The following RBMS3 variants were observed in gnomAD, a reference collection of about 807,000 sequenced individuals.
RBMS3 encodes the protein RNA binding motif single stranded interacting protein 3.
A neutral mutation model predicts 66.8 loss-of-function variants in RBMS3; 27 were observed. That is an observed-to-expected ratio of 0.40 (90% CI 0.30 to 0.56). The LOEUF is 0.56. Ranked by LOEUF, RBMS3 falls within the 20% of genes least tolerant of loss-of-function variation. The probability of loss-of-function intolerance (pLI) is 0.40; values close to 1 mark genes in which losing one functional copy is unlikely to be tolerated. For missense variants in RBMS3, 513 were observed against 549.5 expected (o/e 0.93, Z 0.66); for synonymous variants, 188 against 183.0 (o/e 1.03, Z -0.22).
chr3:29,793,604 A>T (rs2057085372), intron 6 of RBMS3, among the ~76,000 whole-genome samples: 1 of 152,198 alleles, frequency 6.6e-6, no homozygotes, highest in African/African-American at 2.4e-5. Context: ...AATAATTTTG[A>T]CTCATTATAA....
At chr3:29,412,483 A>T (rs2040305960) in intron 1 of RBMS3, among the ~76,000 whole-genome samples, 1 of 152,220 alleles carries the variant, frequency 6.6e-6, no homozygotes, top group Non-Finnish European at 1.5e-5. Context: ...ATAGATACAT[A>T]AGGCAACATA....
At chr3:29,373,012 A>G (rs2038287395) in intron 1 of RBMS3, among the ~76,000 whole-genome samples, 1 of 152,190 alleles carries the variant, frequency 6.6e-6, no homozygotes, top group South Asian at 2.1e-4. Context: ...AATTTTTAAA[A>G]CGAGCAGGAA....
At chr3:29,367,344 T>A (rs1373726252) in intron 1 of RBMS3, among the ~76,000 whole-genome samples, 4 of 152,014 alleles carry the variant, frequency 2.6e-5, no homozygotes, top group Non-Finnish European at 5.9e-5. Flanking sequence ...TGAAAAACAG[T>A]TGGGATATAT....
chr3:29,889,372 G>A (rs374682694), intron 8 of RBMS3, among the ~76,000 whole-genome samples: 19 of 151,634 alleles, frequency 1.3e-4, no homozygotes, highest in African/African-American at 4.4e-4. Flanking sequence ...ACCAGGCAGA[G>A]CTAGTTATGC....
intron 2 of RBMS3, among the ~76,000 whole-genome samples, chr3:29,435,997 G>A (rs1407259007): frequency 1.3e-5 from 2 of 148,464 alleles, no homozygotes; most frequent in Admixed American, 6.7e-5. Context: ...AAGACGAATC[G>A]TAGACCTGTA....
chr3:29,768,351 G>C (rs1343829117), intron 6 of RBMS3, among the ~76,000 whole-genome samples: 2 of 151,830 alleles, frequency 1.3e-5, no homozygotes, highest in Non-Finnish European at 2.9e-5. Context: ...CATTGTGAAG[G>C]TAAAAAAGCT....
intron 3 of RBMS3, among the ~76,000 whole-genome samples, chr3:29,514,355 A>G (rs1432383245): frequency 6.6e-6 from 1 of 152,038 alleles, no homozygotes; most frequent in Non-Finnish European, 1.5e-5. Context: ...TCGCTCCTCT[A>G]TCTCAAAAGC....
chr3:29,485,004 G>T (rs80268847), intron 2 of RBMS3, among the ~76,000 whole-genome samples: 1 of 152,020 alleles, frequency 6.6e-6, no homozygotes, highest in Non-Finnish European at 1.5e-5. Flanking sequence ...TCAGCAAAAG[G>T]GTTTAAAAAT....
intron 12 of RBMS3, among the ~76,000 whole-genome samples, chr3:29,963,195 C>A (rs766590114): frequency 6.6e-6 from 1 of 152,162 alleles, no homozygotes; most frequent in Non-Finnish European, 1.5e-5. Flanking sequence ...ATTTAAACAT[C>A]ATTTCCCAAA....
chr3:29,609,333 C>T (rs1337949265), intron 4 of RBMS3, among the ~76,000 whole-genome samples: 1 of 151,862 alleles, frequency 6.6e-6, no homozygotes, highest in Non-Finnish European at 1.5e-5. Context: ...TGTCAATGAC[C>T]AGGAAGCACA....
At chr3:29,807,100 T>C (rs992735744) in intron 6 of RBMS3, among the ~76,000 whole-genome samples, 43 of 151,822 alleles carry the variant, frequency 2.8e-4, no homozygotes, top group African/African-American at 1.0e-3. Flanking sequence ...CTTTTAGAAA[T>C]AGAGAAAAAA....
At chr3:29,522,268 C>G (rs895010046) in intron 3 of RBMS3, among the ~76,000 whole-genome samples, 12 of 152,132 alleles carry the variant, frequency 7.9e-5, no homozygotes, top group Non-Finnish European at 1.2e-4. Context: ...TCTCGGCTCA[C>G]TGCAACCTCC....
chr3:29,806,383 C>A (rs1161669918), intron 6 of RBMS3, among the ~76,000 whole-genome samples: 1 of 151,878 alleles, frequency 6.6e-6, no homozygotes, highest in Non-Finnish European at 1.5e-5. Flanking sequence ...ACACAGGTAG[C>A]CTGATCTGAT....
chr3:29,538,919 A>G (rs2045665505), intron 3 of RBMS3, among the ~76,000 whole-genome samples: 1 of 152,240 alleles, frequency 6.6e-6, no homozygotes, highest in African/African-American at 2.4e-5. Flanking sequence ...GATAAAATAT[A>G]TGTAAAAGAG....
chr3:29,769,078 T>C (rs2056067070), intron 6 of RBMS3, among the ~76,000 whole-genome samples: 1 of 151,944 alleles, frequency 6.6e-6, no homozygotes. Flanking sequence ...GACTTTTTGT[T>C]TTTTTAAAGA....
intron 2 of RBMS3, among the ~76,000 whole-genome samples, chr3:29,435,829 G>T (rs1381296422): frequency 6.6e-6 from 1 of 151,872 alleles, no homozygotes; most frequent in Non-Finnish European, 1.5e-5. Flanking sequence ...AAAAAAATTA[G>T]ACGGGCATGG....
chr3:29,524,496 C>T (rs192620083), intron 3 of RBMS3, among the ~76,000 whole-genome samples: 49 of 131,598 alleles, frequency 3.7e-4, no homozygotes, highest in African/African-American at 1.3e-3. Flanking sequence ...GGTGCGATCT[C>T]GGTTTACCAC....
chr3:29,863,858 C>A (rs2059279345), intron 6 of RBMS3, among the ~76,000 whole-genome samples: 1 of 152,072 alleles, frequency 6.6e-6, no homozygotes. Context: ...TAAGGGATAC[C>A]TCTGCTAAAT....
intron 12 of RBMS3, among the ~76,000 whole-genome samples, chr3:29,981,224 G>T (rs940620947): frequency 8.6e-5 from 13 of 151,852 alleles, no homozygotes; most frequent in African/African-American, 3.1e-4. Flanking sequence ...TCATGATTTG[G>T]CTCTCTGTCT....
Sources: allele counts gnomAD v4.1 joint callset (sites outside exome capture counted in the v4.1 genomes callset), GRCh38; gene constraint gnomAD v4.1.1; transcripts MANE v1.5; gene names NCBI Gene and HGNC (gene_info 2026-07-23, HGNC 2026-07-21).